Variants in C11orf42 observed in about 807,000 individuals in gnomAD.
C11orf42 encodes uncharacterized protein C11orf42.
C11orf42 carries 24 observed loss-of-function variants against 27.9 expected under a neutral mutation model. The ratio of observed to expected loss-of-function variants is 0.86; its 90% CI spans 0.62 to 1.21. C11orf42 has a LOEUF of 1.21. C11orf42 is among the 50% of genes most tolerant of loss of function. The pLI is 0.00. For synonymous variants in C11orf42, 187 were observed against 180.8 expected (o/e 1.03, Z -0.28); for missense variants, 455 against 424.1 (o/e 1.07, Z -0.64).
Position 6,210,592 on chromosome 11 carries a change from C to T in C11orf42, c.815C>T (p.Thr272Ile). The T allele has an allele frequency of 6.2e-7, 1 of 1,614,154 alleles. No individual in the cohort carries two copies. The highest frequency in any genetic ancestry group is 8.5e-7 in the Non-Finnish European group (1 of 1,180,022). ...PPQEGPEDKP[T>I]RFSYKGRNPF... ...CAGGAAGGGCCAGAGGACAAACCCA[C>T]CAGATTCTCCTACAAGGGCCGAAAC... Residue 272 changes from threonine to isoleucine, a missense_variant, in exon 2 of 3, where the codon ACC becomes ATC. Coordinates refer to ENST00000316375, the MANE Select transcript of C11orf42 (RefSeq NM_173525.3). The surrounding 1 kb of genome is among the most constrained non-coding windows in gnomAD (Gnocchi z 4.0).
At chr11:6,206,073 A>G (rs1846976467) in intron 1 of C11orf42, among the ~76,000 whole-genome samples, 1 of 152,192 alleles carries the variant, frequency 6.6e-6, no homozygotes, top group South Asian at 2.1e-4. Flanking sequence ...TACCTGAATT[A>G]ATGAGCATGG....
chr11:6,208,965 A>G (rs1847009830), intron 1 of C11orf42, among the ~76,000 whole-genome samples: 1 of 152,016 alleles, frequency 6.6e-6, no homozygotes, highest in Admixed American at 6.6e-5. Context: ...GCCTGAGCTC[A>G]GGAGTTCAAA....
rs531907762 is a variant in C11orf42, at chr11:6,208,462, C to T, written c.73-1388C>T. 2.0e-5 allele frequency among the ~76,000 whole-genome samples: 3 copies of T among 152,272 alleles called. No individual in the cohort carries two copies. In the South Asian group the frequency reaches 6.2e-4, roughly 32 times the overall value. On this transcript the variant is annotated intron_variant, in intron 1 of 2. Transcript: ENST00000316375. ...TCCTTAAAGATTCTTTTCTCTTTTTCTTGAGACTCTGTGGAGTGCAGTGGT... is the reference window on the plus strand; with the variant it reads ...TCCTTAAAGATTCTTTTCTCTTTTTTTTGAGACTCTGTGGAGTGCAGTGGT...
chr11:6,211,090 G>C lies in C11orf42; in HGVS notation c.*48G>C, dbSNP rs1474951308. The C allele has an allele frequency of 6.3e-7, 1 of 1,598,136 alleles. No homozygotes were observed. Among genetic ancestry groups the C allele is most frequent in the African/African-American group, 1.4e-5 (1 of 73,428 alleles). On this transcript the variant is annotated 3_prime_UTR_variant, in exon 3 of 3. Transcript: ENST00000316375. The stretch of plus-strand genomic sequence containing the variant: ...GGCAAAGCCCCCAAGATCTGGCATA[G>C]GGGTACTGGTCTCTAATAAACATCA...
rs1329492528 is a variant in C11orf42, at chr11:6,210,768, T to C, written c.871+120T>C. On this transcript the variant is annotated intron_variant, in intron 2 of 2. Coordinates refer to ENST00000316375, the MANE Select transcript of C11orf42 (RefSeq NM_173525.3). This position sits in a 1 kb window ranked among gnomAD's most constrained non-coding sequence, Gnocchi z 4.0. ...CAGCACAGGGCTCTGGTGAAAGAGATGGAATGAGGGAGACTGGGGAGGGTG... is the reference window on the plus strand; with the variant it reads ...CAGCACAGGGCTCTGGTGAAAGAGACGGAATGAGGGAGACTGGGGAGGGTG... 2 of 1,397,482 alleles carry C rather than the reference T, an allele frequency of 1.4e-6. No homozygotes were observed. The highest frequency in any genetic ancestry group is 2.8e-5 in the South Asian group (2 of 72,038). 86.6% of individuals were successfully genotyped at this position (1,397,482 alleles called of 1,614,324 possible). A position where few individuals can be genotyped will look rare whatever the true frequency, so the allele number is the denominator to read the frequency against.
rs1847049173 is a variant in C11orf42 at position 6,210,776 on chromosome 11, G to A, written c.871+128G>A. ...GGCTCTGGTGAAAGAGATGGAATGAGGGAGACTGGGGAGGGTGAGATGGAA... is the reference window on the plus strand; with the variant it reads ...GGCTCTGGTGAAAGAGATGGAATGAAGGAGACTGGGGAGGGTGAGATGGAA... On this transcript the variant is annotated intron_variant, in intron 2 of 2. Transcript: ENST00000316375. This position sits in a 1 kb window ranked among gnomAD's most constrained non-coding sequence, Gnocchi z 4.0. 7.2e-7 allele frequency: 1 copy of A among 1,382,596 alleles called. No homozygotes were observed. The highest frequency in any genetic ancestry group is 9.8e-7 in the Non-Finnish European group (1 of 1,022,198). 85.6% of individuals were successfully genotyped at this position (1,382,596 alleles called of 1,614,324 possible). A position where few individuals can be genotyped will look rare whatever the true frequency, so the allele number is the denominator to read the frequency against.
intron 1 of C11orf42, among the ~76,000 whole-genome samples, chr11:6,207,542 G>T (rs1846992657): frequency 6.6e-6 from 1 of 152,126 alleles, no homozygotes. Flanking sequence ...CATGGTCATG[G>T]GGCAAAGCAT....
intron 1 of C11orf42, among the ~76,000 whole-genome samples, chr11:6,206,093 G>T (rs1846976679): frequency 1.3e-5 from 2 of 152,168 alleles, no homozygotes; most frequent in African/African-American, 4.8e-5. Context: ...GGAGGGTGGT[G>T]AGTGTATAGT....
chr11:6,209,000 C>A (rs1433078050), intron 1 of C11orf42, among the ~76,000 whole-genome samples: 2 of 151,672 alleles, frequency 1.3e-5, no homozygotes, highest in Non-Finnish European at 2.9e-5. Flanking sequence ...CAGAGTGAAA[C>A]CCCATCTCTA....
chr11:6,210,060 C>A lies in C11orf42; in HGVS notation c.283C>A (p.His95Asn), dbSNP rs769238285. 6.2e-7 allele frequency: 1 copy of A among 1,614,118 alleles called. No individual in the cohort carries two copies. The highest frequency in any genetic ancestry group is 8.5e-7 in the Non-Finnish European group (1 of 1,180,052). The change falls in exon 2 of 3, where the codon CAC (histidine) becomes AAC (asparagine). Residue 95 changes from histidine to asparagine, a missense_variant. His to Asn is a moderately conservative substitution (Grantham distance 68). Coordinates refer to ENST00000316375, the MANE Select transcript of C11orf42 (RefSeq NM_173525.3). This position sits in a 1 kb window ranked among gnomAD's most constrained non-coding sequence, Gnocchi z 4.0. ...GGCAGGATCTGAGGGTGCCTTCGCCCACTGCACTCGGGAATACTCACCAAA... is the reference window on the plus strand; with the variant it reads ...GGCAGGATCTGAGGGTGCCTTCGCCAACTGCACTCGGGAATACTCACCAAA... ...EQAGSEGAFA[H>N]CTREYSPNGR...
rs369121502 is a variant in C11orf42, at chr11:6,211,028, G to A, written c.988G>A (p.Asp330Asn). Reference protein sequence around the residue: ...PLLQGLSSEFDSDD With the variant: ...PLLQGLSSEFNSDD ...GCTGCAGGGTCTATCCTCAGAGTTC[G>A]ACAGTGACGACTGAAGCTGAAGCAA... The change falls in exon 3 of 3, where the codon GAC (aspartate) becomes AAC (asparagine). Residue 330 changes from aspartate to asparagine, a missense_variant. Transcript: ENST00000316375. 3.7e-5 allele frequency: 60 copies of A among 1,610,658 alleles called. No individual in the cohort carries two copies. Among genetic ancestry groups the A allele is most frequent in the Non-Finnish European group, 4.8e-5 (57 of 1,178,994 alleles).
chr11:6,211,062 G>T lies in C11orf42; in HGVS notation c.*20G>T. 1 of 1,608,484 alleles carries T rather than the reference G, an allele frequency of 6.2e-7. No homozygotes were observed. Among genetic ancestry groups the T allele is most frequent in the South Asian group, 1.1e-5 (1 of 90,452 alleles). Reference sequence around the variant, plus strand: ...GACTGAAGCTGAAGCAAAAGATTCCGGGGGCAAAGCCCCCAAGATCTGGCA... The same window carrying T: ...GACTGAAGCTGAAGCAAAAGATTCCTGGGGCAAAGCCCCCAAGATCTGGCA... On this transcript the variant is annotated 3_prime_UTR_variant, in exon 3 of 3. Transcript: ENST00000316375.
rs1282762034 is a variant in C11orf42 at position 6,209,893 on chromosome 11, T to C, written c.116T>C (p.Phe39Ser). The C allele has an allele frequency of 6.3e-7, 1 of 1,599,838 alleles. No individual in the cohort carries two copies. Residue 39 changes from phenylalanine to serine, a missense_variant, in exon 2 of 3, where the codon TTC (phenylalanine) becomes TCC (serine). Coordinates refer to ENST00000316375, the MANE Select transcript of C11orf42 (RefSeq NM_173525.3). ...HFGPNAVAVP[F>S]LSDAACYDLL... ...GGGCCCAATGCAGTAGCAGTACCTT[T>C]CCTGTCAGATGCAGCCTGCTATGAC... is the stretch of plus-strand genomic sequence containing the variant.
intron 1 of C11orf42, among the ~76,000 whole-genome samples, chr11:6,209,161 G>C (rs1378834296): frequency 7.8e-6 from 1 of 128,910 alleles, no homozygotes; most frequent in Non-Finnish European, 1.7e-5. Flanking sequence ...AGGCGACGAA[G>C]GAGAACCGAC....
chr11:6,210,993 C>A lies in C11orf42; in HGVS notation c.953C>A (p.Ser318Tyr), dbSNP rs1590597868. 1.2e-6 allele frequency: 2 copies of A among 1,609,344 alleles called. No individual in the cohort carries two copies. The highest frequency in any genetic ancestry group is 4.5e-5 in the East Asian group (2 of 44,802). ...GPRDPDGHSM[S>Y]LPLLQGLSSE... ...AGGGACCCCGACGGGCACTCCATGT[C>A]CCTGCCCCTGCTGCAGGGTCTATCC... The change falls in exon 3 of 3, where the codon TCC (serine) becomes TAC (tyrosine). Residue 318 changes from serine to tyrosine, a missense_variant. By Grantham distance (144) the Ser-to-Tyr change is moderately radical (BLOSUM62 -2). Coordinates refer to ENST00000316375, the MANE Select transcript of C11orf42 (RefSeq NM_173525.3). This position sits in a 1 kb window ranked among gnomAD's most constrained non-coding sequence, Gnocchi z 4.0.
chr11:6,206,994 G>A (rs1182428270), intron 1 of C11orf42, among the ~76,000 whole-genome samples: 1 of 152,096 alleles, frequency 6.6e-6, no homozygotes, highest in Non-Finnish European at 1.5e-5. Context: ...AAAAACATTT[G>A]GCTAAACAGA....
intron 1 of C11orf42, among the ~76,000 whole-genome samples, chr11:6,207,602 G>A (rs948531422): frequency 2.6e-5 from 4 of 152,114 alleles, no homozygotes; most frequent in African/African-American, 9.7e-5. Context: ...CCCTGGAAAC[G>A]CAACTGGTCC....
Position 6,210,956 on chromosome 11 carries a change from G to A in C11orf42, c.916G>A (p.Gly306Ser), listed in dbSNP as rs751557783. The A allele has an allele frequency of 8.6e-5, 138 of 1,608,392 alleles. No individual in the cohort carries two copies. The highest frequency in any genetic ancestry group is 1.1e-4 in the Non-Finnish European group (131 of 1,178,300). ...CCGCAGCCCTCCACCAGGAGCCCAG[G>A]GTGGGGGCCCCAGGGACCCCGACGG... ...SPRSPPPGAQ[G>S]GGPRDPDGHS... The change falls in exon 3 of 3, where the codon GGT becomes AGT. Residue 306 changes from glycine to serine, a missense_variant. Physicochemically the swap from Gly to Ser is moderately conservative, Grantham distance 56. Transcript: ENST00000316375. This position sits in a 1 kb window ranked among gnomAD's most constrained non-coding sequence, Gnocchi z 4.0.
At position 6,210,979 on chromosome 11, in the gene C11orf42, C is replaced by A; in HGVS notation, c.939C>A (p.Asp313Glu). ...GAQGGGPRDP[D>E]GHSMSLPLLQ... Reference sequence around the variant, plus strand: ...AGGGTGGGGGCCCCAGGGACCCCGACGGGCACTCCATGTCCCTGCCCCTGC... The same window carrying A: ...AGGGTGGGGGCCCCAGGGACCCCGAAGGGCACTCCATGTCCCTGCCCCTGC... Residue 313 changes from aspartate to glutamate, a missense_variant, in exon 3 of 3, where the codon GAC (aspartate) becomes GAA (glutamate). Transcript: ENST00000316375. This position sits in a 1 kb window ranked among gnomAD's most constrained non-coding sequence, Gnocchi z 4.0. 1 of 1,607,244 alleles carries A rather than the reference C, an allele frequency of 6.2e-7. No individual in the cohort carries two copies. The highest frequency in any genetic ancestry group is 8.5e-7 in the Non-Finnish European group (1 of 1,178,142).
Sources: gnomAD v4.1 joint callset for allele counts (sites outside exome capture counted in the v4.1 genomes callset) on GRCh38, gnomAD v4.1.1 for gene constraint, Gnocchi (gnomAD v3.1) non-coding constraint, MANE v1.5 for transcripts, NCBI Gene and HGNC (gene_info 2026-07-23, HGNC 2026-07-21) for gene names.